FAM227B: variants seen among roughly 807,000 people sequenced by gnomAD.
The protein encoded by FAM227B is family with sequence similarity 227 member B.
A neutral mutation model predicts 73.8 loss-of-function variants in FAM227B; 88 were observed. The observed-to-expected ratio is 1.19, with a 90% CI of 1.00 to 1.42. The LOEUF is 1.42. Among genes scored for constraint, FAM227B ranks in the 40% most tolerant of loss-of-function variants. The probability of loss-of-function intolerance (pLI) is 0.00; values close to 1 mark genes in which losing one functional copy is unlikely to be tolerated. For synonymous variants in FAM227B, 210 were observed against 190.5 expected (o/e 1.10, Z -0.84); for missense variants, 632 against 590.9 (o/e 1.07, Z -0.72).
At chr15:49,607,806 T>C (rs1312558204) in intron 3 of FAM227B, among the ~76,000 whole-genome samples, 1 of 152,206 alleles carries the variant, frequency 6.6e-6, no homozygotes, top group Non-Finnish European at 1.5e-5. Flanking sequence ...GTGGCTGTAT[T>C]ATTAAATGGA....
intron 10 of FAM227B, among the ~76,000 whole-genome samples, chr15:49,516,751 GA>G (rs2059405060): frequency 6.6e-6 from 1 of 151,972 alleles, no homozygotes; most frequent in South Asian, 2.1e-4. Context: ...CCAAAACTAT[GA>G]ATATGTCTTG....
intron 3 of FAM227B, among the ~76,000 whole-genome samples, chr15:49,601,217 C>T (rs1294074682): frequency 1.3e-5 from 2 of 150,862 alleles, no homozygotes; most frequent in Non-Finnish European, 3.0e-5. Context: ...CTATTCCTCT[C>T]TTCCTTTGTG....
intron 11 of FAM227B, among the ~76,000 whole-genome samples, chr15:49,478,796 G>T (rs2055609883): frequency 6.6e-6 from 1 of 151,900 alleles, no homozygotes; most frequent in Non-Finnish European, 1.5e-5. Flanking sequence ...GAGATTGGTG[G>T]GCATGGATTC....
intron 13 of FAM227B, chr15:49,353,613 G>GT (rs2042577483): frequency 7.8e-6 from 1 of 127,646 alleles, no homozygotes; most frequent in African/African-American, 3.1e-5. Context: ...GGAAAATAAG[G>GT]GTTTTTTTTT....
intron 13 of FAM227B, among the ~76,000 whole-genome samples, chr15:49,352,472 G>A (rs1420486101): frequency 2.0e-5 from 3 of 152,116 alleles, no homozygotes; most frequent in African/African-American, 4.8e-5. Flanking sequence ...ATCCTTGTAG[G>A]GTATTGGTAG....
At chr15:49,481,214 T>C (rs1460773132) in intron 11 of FAM227B, among the ~76,000 whole-genome samples, 2 of 152,242 alleles carry the variant, frequency 1.3e-5, no homozygotes, top group African/African-American at 4.8e-5. Flanking sequence ...GGTGCAAAGG[T>C]AATTACAGTT....
intron 13 of FAM227B, among the ~76,000 whole-genome samples, chr15:49,361,176 T>C (rs981105970): frequency 6.6e-6 from 1 of 152,196 alleles, no homozygotes. Flanking sequence ...CATAAATATA[T>C]ACAATTATAA....
At chr15:49,597,005 T>C (rs535918040) in intron 3 of FAM227B, among the ~76,000 whole-genome samples, 4 of 151,914 alleles carry the variant, frequency 2.6e-5, no homozygotes, top group South Asian at 4.1e-4. Flanking sequence ...ATGAGATAGA[T>C]GGGAACACAA....
intron 11 of FAM227B, among the ~76,000 whole-genome samples, chr15:49,406,968 G>A (rs529665894): frequency 6.6e-5 from 10 of 152,202 alleles, no homozygotes; most frequent in South Asian, 2.1e-4. Context: ...ATGTGGCAAG[G>A]CTGGAGGCCC....
chr15:49,407,060 C>G (rs1296982281), intron 11 of FAM227B, among the ~76,000 whole-genome samples: 1 of 152,144 alleles, frequency 6.6e-6, no homozygotes, highest in Non-Finnish European at 1.5e-5. Context: ...AGTTCAGGTC[C>G]GACAGTTCTC....
chr15:49,581,245 C>G (rs1350653045), intron 5 of FAM227B, among the ~76,000 whole-genome samples: 1 of 151,678 alleles, frequency 6.6e-6, no homozygotes, highest in Non-Finnish European at 1.5e-5. Flanking sequence ...GGTAAACCTA[C>G]AAAGGGAACC....
chr15:49,364,321 T>C (rs2044746212), intron 13 of FAM227B, among the ~76,000 whole-genome samples: 1 of 152,198 alleles, frequency 6.6e-6, no homozygotes, highest in African/African-American at 2.4e-5. Flanking sequence ...GGGATTCAGT[T>C]TATTCCTAGT....
chr15:49,414,867 G>C (rs2151703290), intron 11 of FAM227B, among the ~76,000 whole-genome samples: 1 of 152,254 alleles, frequency 6.6e-6, no homozygotes, highest in South Asian at 2.1e-4. Context: ...TGTAGCTGAG[G>C]ATAGAAATAA....
intron 1 of FAM227B, among the ~76,000 whole-genome samples, chr15:49,615,781 G>A (rs2078251238): frequency 6.6e-6 from 1 of 152,154 alleles, no homozygotes; most frequent in African/African-American, 2.4e-5. Flanking sequence ...TCATGAAGCT[G>A]GAGGTTCTAC....
intron 10 of FAM227B, among the ~76,000 whole-genome samples, chr15:49,508,986 G>C (rs1190813077): frequency 6.6e-6 from 1 of 152,198 alleles, no homozygotes; most frequent in East Asian, 1.9e-4. Context: ...CCTGGGGCCA[G>C]TCAGGAGGCA....
At chr15:49,374,610 A>G (rs190270351) in intron 11 of FAM227B, among the ~76,000 whole-genome samples, 38 of 152,320 alleles carry the variant, frequency 2.5e-4, no homozygotes, top group African/African-American at 8.9e-4. Flanking sequence ...GCTGGAGTGC[A>G]GTGGTGCCAT....
intron 11 of FAM227B, among the ~76,000 whole-genome samples, chr15:49,455,662 CAT>C (rs2053217793): frequency 6.6e-6 from 1 of 152,084 alleles, no homozygotes; most frequent in South Asian, 2.1e-4. Context: ...TCTAAACAGA[CAT>C]ATTTTTAAAT....
intron 11 of FAM227B, chr15:49,484,273 A>C (rs772118994): frequency 6.0e-6 from 9 of 1,489,994 alleles, no homozygotes; most frequent in Non-Finnish European, 2.7e-6. Context: ...TCTAAAAATC[A>C]TTTGGATAAT....
intron 11 of FAM227B, among the ~76,000 whole-genome samples, chr15:49,404,025 T>G (rs533629170): frequency 8.5e-5 from 13 of 152,264 alleles, no homozygotes; most frequent in Non-Finnish European, 1.8e-4. Flanking sequence ...TACCCAAAAG[T>G]TATTTGGGAG....
Sources: gnomAD v4.1 joint callset for allele counts (sites outside exome capture counted in the v4.1 genomes callset) on GRCh38, gnomAD v4.1.1 for gene constraint, MANE v1.5 for transcripts, NCBI Gene and HGNC (gene_info 2026-07-23, HGNC 2026-07-21) for gene names.